Variants in NCL observed in about 807,000 individuals in gnomAD.
NCL encodes the protein nucleolin multifunctional protein.
NCL carries 4 observed loss-of-function variants against 77.7 expected under a neutral mutation model. That is an observed-to-expected ratio of 0.05 (90% CI 0.03 to 0.12). The LOEUF (loss-of-function observed/expected upper bound fraction) is 0.12. Among genes scored for constraint, NCL ranks in the 10% least tolerant of loss-of-function variants. NCL has a pLI of 1.00. For missense variants in NCL, 763 were observed against 860.9 expected (o/e 0.89, Z 1.42); for synonymous variants, 344 against 297.8 (o/e 1.16, Z -1.60).
chr2:231,457,414 G>A (rs2046901916), intron 9 of NCL: 1 of 750,448 alleles, frequency 1.3e-6, no homozygotes, highest in Non-Finnish European at 2.4e-6. Context: ...GCCTACAAAG[G>A]AAGCTTGATT....
rs2046942420 is a variant in NCL, at chr2:231,460,821, T to C, written c.659A>G (p.Lys220Arg). The C allele has an allele frequency of 6.2e-7, 1 of 1,614,090 alleles. No individual in the cohort carries two copies. Among genetic ancestry groups the C allele is most frequent in the South Asian group, 1.1e-5 (1 of 91,086 alleles). ...AMETTPAKGKKAAKVVPVKAK... is the reference protein window; with the variant it reads ...AMETTPAKGKRAAKVVPVKAK... ...TTTCACAGGAACAACTTTTGCAGCT[T>C]TCTTTCCTTTGGCTGGTGTAGTCTC... The change falls in exon 4 of 14, where the codon AAA (lysine) becomes AGA (arginine). Residue 220 changes from lysine (K) to arginine (R), a missense_variant. Lys to Arg is a conservative substitution (Grantham distance 26). Coordinates refer to ENST00000322723, the MANE Select transcript of NCL (RefSeq NM_005381.3).
chr2:231,457,401 C>A, intron 9 of NCL: 1 of 749,642 alleles, frequency 1.3e-6, no homozygotes, highest in East Asian at 2.7e-5. Flanking sequence ...AAGTATAAAA[C>A]ATGCCTACAA....
intron 12 of NCL, 38 bp downstream of exon 12, chr2:231,455,972 C>A: frequency 6.2e-7 from 1 of 1,614,152 alleles, no homozygotes. Flanking sequence ...ACAAAAACCC[C>A]TTCAAGTGGA....
In NCL at chr2:231,453,602, A is replaced by G. The variant is rs1191767530; in HGVS notation, c.*1589T>C. ...CTGCAAGGCCTTCCTTTTTGTCCTT[A>G]GGCTTGCCTCATAGGAGACCCTCCC... On this transcript the variant is annotated 3_prime_UTR_variant, in exon 14 of 14. Coordinates refer to ENST00000322723, the MANE Select transcript of NCL (RefSeq NM_005381.3). 1 of 155,416 alleles carries G rather than the reference A, an allele frequency of 6.4e-6. No homozygotes were observed. The highest frequency in any genetic ancestry group is 1.4e-5 in the Non-Finnish European group (1 of 69,904). The allele number at this position is 155,416 out of a possible 1,614,324, so 9.6% of individuals were successfully genotyped here.
In NCL at chr2:231,454,881, GAAAC is replaced by G. The variant is rs901211763; in HGVS notation, c.*306_*309del. ...AAAAACAAAAACAAAACAAAAAAAA[GAAAC>G]AACAACAAAACCCAAACTATTTGTA... On this transcript the variant is annotated 3_prime_UTR_variant, in exon 14 of 14. Coordinates refer to ENST00000322723, the MANE Select transcript of NCL (RefSeq NM_005381.3). The G allele has an allele frequency of 9.2e-5, 18 of 195,494 alleles. No individual in the cohort carries two copies. Among genetic ancestry groups the G allele is most frequent in the South Asian group, 1.9e-4 (1 of 5,304 alleles). The allele number at this position is 195,494 out of a possible 1,614,324, so 12.1% of individuals were successfully genotyped here.
chr2:231,456,555 C>A (rs753762426), intron 11 of NCL, 76 bp downstream of exon 11: 3 of 1,598,228 alleles, frequency 1.9e-6, no homozygotes, highest in South Asian at 1.1e-5. Context: ...ACAGGAAACA[C>A]AGAATTTGTG....
At chr2:231,460,038 G>T in intron 6 of NCL, 114 bp downstream of exon 6, 1 of 1,210,736 alleles carries the variant, frequency 8.3e-7, no homozygotes, top group Non-Finnish European at 1.2e-6. Context: ...GCTAATCCTT[G>T]AAGATGTTTA....
At chr2:231,458,663 C>T in intron 7 of NCL, 1 of 473,152 alleles carries the variant, frequency 2.1e-6, no homozygotes. Context: ...TGTACCAATT[C>T]AAAACATTAC....
At chr2:231,460,126 T>G in intron 6 of NCL, 26 bp downstream of exon 6, 1 of 1,599,474 alleles carries the variant, frequency 6.3e-7, no homozygotes, top group Non-Finnish European at 8.5e-7. Context: ...GACCCACGTG[T>G]ATGTAACGTG....
chr2:231,455,087 ACT>A lies in NCL; in HGVS notation c.*102_*103del. ...TTCCAAGGAGACCACAGGACTGTAT[ACT>A]GTCTTGGAATGTCCTCAGAAGGCTC... On this transcript the variant is annotated 3_prime_UTR_variant, in exon 14 of 14. Coordinates refer to ENST00000322723, the MANE Select transcript of NCL (RefSeq NM_005381.3). 1 of 1,262,680 alleles carries A rather than the reference ACT, an allele frequency of 7.9e-7. No individual in the cohort carries two copies. The highest frequency in any genetic ancestry group is 1.3e-5 in the South Asian group (1 of 79,826). The allele number at this position is 1,262,680 out of a possible 1,614,324, so 78.2% of individuals were successfully genotyped here. A position where few individuals can be genotyped will look rare whatever the true frequency, so the allele number is the denominator to read the frequency against.
In NCL at chr2:231,456,772, T is replaced by C. The variant is rs1277940323; in HGVS notation, c.1572-8A>G. Reference sequence around the variant, plus strand: ...AACTCTATAAATGCATACCTGAGGATGAACAGTTAATGCTTAGAGTAAGTT... The same window carrying C: ...AACTCTATAAATGCATACCTGAGGACGAACAGTTAATGCTTAGAGTAAGTT... On this transcript the variant is annotated splice_polypyrimidine_tract_variant and splice_region_variant and intron_variant, in intron 10 of 13. Transcript: ENST00000322723. 6.2e-7 allele frequency: 1 copy of C among 1,614,118 alleles called. No homozygotes were observed. The highest frequency in any genetic ancestry group is 1.7e-5 in the Admixed American group (1 of 60,006).
rs376461796 is a variant in NCL, at chr2:231,457,153, A to G, written c.1448-29T>C. The G allele has an allele frequency of 6.8e-6, 11 of 1,612,160 alleles. No homozygotes were observed. The Middle Eastern group carries it at 4.9e-4, about 72-fold the overall frequency. On this transcript the variant is annotated intron_variant, in intron 9 of 13. Coordinates refer to ENST00000322723, the MANE Select transcript of NCL (RefSeq NM_005381.3). ...CAAATAGAGATGCCACATTCCTAAG[A>G]CTCTGAAACAGTGGTTCCCAGCTTC...
At position 231,464,346 on chromosome 2, in the gene NCL, T is replaced by C; in HGVS notation, c.8A>G (p.Lys3Arg). MVKLAKAGKNQGD... is the reference protein window; with the variant it reads MVRLAKAGKNQGD... ...CTCAAGGCCGTTTACCTTCGCGAGC[T>C]TCACCATGATGGCGGCGGAGTGTGA... The change falls in exon 1 of 14, where the codon AAG becomes AGG. Residue 3 changes from lysine to arginine, a missense_variant. Physicochemically the swap from Lys to Arg is conservative, Grantham distance 26 (BLOSUM62 2). Coordinates refer to ENST00000322723, the MANE Select transcript of NCL (RefSeq NM_005381.3). 1.2e-5 allele frequency: 20 copies of C among 1,601,398 alleles called. No individual in the cohort carries two copies. The highest frequency in any genetic ancestry group is 1.7e-5 in the Non-Finnish European group (20 of 1,173,812).
At chr2:231,463,705 A>C in intron 1 of NCL, 1 of 193,406 alleles carries the variant, frequency 5.2e-6, no homozygotes, top group Middle Eastern at 2.1e-3. Context: ...GACTACCTTG[A>C]TTTTCTCATG....
At chr2:231,461,108 G>A (rs144077280) in intron 3 of NCL, among the ~76,000 whole-genome samples, 21 of 151,968 alleles carry the variant, frequency 1.4e-4, no homozygotes, top group East Asian at 7.7e-4. Flanking sequence ...GTGAAATGTC[G>A]TCTCTACTAA....
intron 11 of NCL, chr2:231,456,388 GC>G (rs1371828750): frequency 1.1e-6 from 1 of 916,170 alleles, no homozygotes; most frequent in Non-Finnish European, 1.8e-6. Context: ...AGCAGGTGGG[GC>G]CCAGTGGATG....
chr2:231,456,439 CACAGCTGGATCAGA>C, intron 11 of NCL, 178 bp downstream of exon 11: 1 of 1,120,110 alleles, frequency 8.9e-7, no homozygotes, highest in East Asian at 2.3e-5. Flanking sequence ...TCTGAGTTGA[CACAGCTGGATCAGA>C]ACTTGACTAT....
intron 9 of NCL, 127 bp from the exon 10 acceptor site, chr2:231,457,251 C>A: frequency 7.6e-7 from 1 of 1,308,588 alleles, no homozygotes; most frequent in Admixed American, 1.8e-5. Flanking sequence ...ATGACGTAAG[C>A]TAAATCCATT....
In NCL at chr2:231,455,271, C is replaced by T. The variant is rs377062026; in HGVS notation, c.2057-4G>A. ...CCTCCTCGGAAGCCTCCTCGCCCTACAGGAGGAAGGCAAGACACTGTTAAA... is the reference window on the plus strand; with the variant it reads ...CCTCCTCGGAAGCCTCCTCGCCCTATAGGAGGAAGGCAAGACACTGTTAAA... On this transcript the variant is annotated splice_polypyrimidine_tract_variant and splice_region_variant and intron_variant, in intron 13 of 13. Transcript: ENST00000322723. 1.9e-6 allele frequency: 3 copies of T among 1,614,048 alleles called. No individual in the cohort carries two copies. The highest frequency in any genetic ancestry group is 1.7e-6 in the Non-Finnish European group (2 of 1,180,012).
Sources: allele counts gnomAD v4.1 joint callset (sites outside exome capture counted in the v4.1 genomes callset), GRCh38; gene constraint gnomAD v4.1.1; transcripts MANE v1.5; gene names NCBI Gene and HGNC (gene_info 2026-07-23, HGNC 2026-07-21).